The following CCDC91 variants were observed in gnomAD, a reference collection of about 807,000 sequenced individuals.
CCDC91 encodes the protein coiled-coil domain-containing protein 91.
CCDC91 carries 48 observed loss-of-function variants against 63.2 expected under a neutral mutation model. The ratio of observed to expected loss-of-function variants is 0.76; its 90% CI spans 0.60 to 0.97. CCDC91 has a LOEUF of 0.97. Among genes scored for constraint, CCDC91 ranks in the 50% least tolerant of loss-of-function variants. The pLI, the probability that CCDC91 is intolerant of heterozygous loss-of-function variation, is 0.00. For synonymous variants in CCDC91, 167 were observed against 165.8 expected, an observed-to-expected ratio of 1.01 and a Z score of -0.06; for missense variants, 500 against 494.6, an observed-to-expected ratio of 1.01 and a Z score of -0.10.
intron 6 of CCDC91, among the ~76,000 whole-genome samples, chr12:28,346,306 T>C (rs528382536): frequency 1.6e-3 from 243 of 152,342 alleles, no homozygotes; most frequent in African/African-American, 5.5e-3. Flanking sequence ...CCTTGACTTT[T>C]AGAAGTGTTT....
chr12:28,496,931 C>CATATATATATACATATAT (rs1221564537), intron 12 of CCDC91, among the ~76,000 whole-genome samples: 1 of 141,456 alleles, frequency 7.1e-6, no homozygotes, highest in Non-Finnish European at 1.5e-5. Context: ...TATATATATA[C>CATATATATATACATATAT]ATATATATAT....
rs541531638 is a variant in CCDC91, at chr12:28,319,675, GTTATA to G, written c.576+11933_576+11937del. 1.5e-4 allele frequency among the ~76,000 whole-genome samples: 22 copies of G among 151,396 alleles called. No individual in the cohort carries two copies. The East Asian group carries it at 2.3e-3, about 16-fold the overall frequency. On this transcript the variant is annotated intron_variant, in intron 6 of 12. Transcript: ENST00000536442. ...CAATGTGAATGCTATGTAAATTGTT[GTTATA>G]TTATATCATAATAATACAATATAAT...
At chr12:28,476,866 C>A (rs1052949978) in intron 11 of CCDC91, among the ~76,000 whole-genome samples, 3 of 152,142 alleles carry the variant, frequency 2.0e-5, no homozygotes, top group Non-Finnish European at 2.9e-5. Flanking sequence ...ACTAGAAAAT[C>A]TAGAAGAAAT....
chr12:28,394,136 T>G (rs1292014254), intron 8 of CCDC91, among the ~76,000 whole-genome samples: 5 of 152,204 alleles, frequency 3.3e-5, no homozygotes. Context: ...TATAGGATTA[T>G]AAGCGGTTCA....
intron 1 of CCDC91, among the ~76,000 whole-genome samples, chr12:28,229,819 C>G (rs775621993): frequency 1.3e-5 from 2 of 151,990 alleles, no homozygotes; most frequent in Non-Finnish European, 2.9e-5. Flanking sequence ...GACTAATTGT[C>G]TGTGTTTGTG....
chr12:28,459,388 A>G (rs1312862536), intron 11 of CCDC91, among the ~76,000 whole-genome samples: 1 of 152,156 alleles, frequency 6.6e-6, no homozygotes, highest in Non-Finnish European at 1.5e-5. Flanking sequence ...ATAGATTATA[A>G]TATATAGGAC....
chr12:28,293,382 A>G (rs1026752375), intron 3 of CCDC91, among the ~76,000 whole-genome samples: 14 of 152,218 alleles, frequency 9.2e-5, no homozygotes, highest in African/African-American at 3.4e-4. Flanking sequence ...TAGATTTCCT[A>G]TTATAATTAA....
intron 12 of CCDC91, among the ~76,000 whole-genome samples, chr12:28,532,296 G>A (rs1304938023): frequency 2.0e-5 from 3 of 152,066 alleles, no homozygotes; most frequent in Non-Finnish European, 4.4e-5. Context: ...TTGCTAATAT[G>A]TCTAGTGAAA....
intron 11 of CCDC91, among the ~76,000 whole-genome samples, chr12:28,470,878 A>C (rs760140722): frequency 8.5e-5 from 13 of 152,210 alleles, no homozygotes; most frequent in Non-Finnish European, 1.3e-4. Context: ...GAGATCTAAA[A>C]ATCAAAACAA....
intron 8 of CCDC91, among the ~76,000 whole-genome samples, chr12:28,402,167 C>T (rs890707460): frequency 2.0e-5 from 3 of 152,128 alleles, no homozygotes; most frequent in African/African-American, 4.8e-5. Flanking sequence ...GCATCCGTCA[C>T]GTCTACCCCT....
At chr12:28,360,859 CTG>C (rs1943833909) in intron 6 of CCDC91, among the ~76,000 whole-genome samples, 1 of 151,898 alleles carries the variant, frequency 6.6e-6, no homozygotes, top group Non-Finnish European at 1.5e-5. Context: ...ATTAAGCTTT[CTG>C]TGTGTACAGA....
At chr12:28,524,741 G>C (rs528402626) in intron 12 of CCDC91, among the ~76,000 whole-genome samples, 1 of 151,986 alleles carries the variant, frequency 6.6e-6, no homozygotes, top group South Asian at 2.1e-4. Flanking sequence ...GACTTGTTTT[G>C]TTGGTAATTT....
chr12:28,426,136 C>T (rs1001570738), intron 8 of CCDC91, among the ~76,000 whole-genome samples: 2 of 152,118 alleles, frequency 1.3e-5, no homozygotes, highest in African/African-American at 2.4e-5. Context: ...TGTCACTTCA[C>T]ACTTTTTTGC....
At position 28,271,980 on chromosome 12, in the gene CCDC91, C is replaced by A. The variant is rs1314231319; in HGVS notation, c.109+12538C>A. Among the ~76,000 whole-genome samples, 3 of 150,778 alleles carry A rather than the reference C, an allele frequency of 2.0e-5. No individual in the cohort carries two copies. In the East Asian group the frequency reaches 5.8e-4, roughly 29 times the overall value. ...GCAGTATTATGCTTGTTTGGAAATA[C>A]TTATTCTTGTTAGATAGATTCCTCT... On this transcript the variant is annotated intron_variant, in intron 3 of 12. Transcript: ENST00000536442.
At chr12:28,432,025 A>G (rs1948654125) in intron 8 of CCDC91, among the ~76,000 whole-genome samples, 1 of 151,800 alleles carries the variant, frequency 6.6e-6, no homozygotes, top group South Asian at 2.1e-4. Flanking sequence ...ACTTAGTAAT[A>G]TGCGTTTAGG....
At chr12:28,524,633 G>A (rs541709121) in intron 12 of CCDC91, among the ~76,000 whole-genome samples, 7 of 152,128 alleles carry the variant, frequency 4.6e-5, no homozygotes, top group South Asian at 2.1e-4. Context: ...TTAGGGAGGC[G>A]TCCCTCTTTT....
At chr12:28,533,051 T>C (rs1941873286) in intron 12 of CCDC91, among the ~76,000 whole-genome samples, 1 of 152,140 alleles carries the variant, frequency 6.6e-6, no homozygotes, top group South Asian at 2.1e-4. Context: ...AAGATACAAC[T>C]ATTATTTCCT....
chr12:28,540,184 G>C (rs1942523000), intron 12 of CCDC91, among the ~76,000 whole-genome samples: 1 of 152,092 alleles, frequency 6.6e-6, no homozygotes, highest in African/African-American at 2.4e-5. Flanking sequence ...CATGAACCTA[G>C]AAAGTAGTAA....
intron 11 of CCDC91, among the ~76,000 whole-genome samples, chr12:28,465,431 A>C (rs982847345): frequency 1.3e-5 from 2 of 152,198 alleles, no homozygotes; most frequent in African/African-American, 2.4e-5. Flanking sequence ...GACCCAGCAC[A>C]GTCCTAGGGG....
Sources: gnomAD v4.1 joint callset for allele counts (sites outside exome capture counted in the v4.1 genomes callset) on GRCh38, gnomAD v4.1.1 for gene constraint, MANE v1.5 for transcripts, NCBI Gene and HGNC (gene_info 2026-07-23, HGNC 2026-07-21) for gene names.